SIGIRR: variants seen among roughly 807,000 people sequenced by gnomAD.
The protein encoded by SIGIRR is single Ig and TIR domain containing, also known as single Ig IL-1-related receptor.
SIGIRR carries 41 observed loss-of-function variants against 45.6 expected under a neutral mutation model. That is an observed-to-expected ratio of 0.90 (90% CI 0.70 to 1.17). SIGIRR has a LOEUF of 1.17. Ranked by LOEUF, SIGIRR falls within the 50% of genes most tolerant of loss-of-function variation. The pLI, the probability that SIGIRR is intolerant of heterozygous loss-of-function variation, is 0.00. For synonymous variants in SIGIRR, 298 were observed against 239.0 expected, an observed-to-expected ratio of 1.25 and a Z score of -2.28; for missense variants, 599 against 539.6, an observed-to-expected ratio of 1.11 and a Z score of -1.09.
Position 407,762 on chromosome 11 carries a change from C to T in SIGIRR, c.481+55G>A, listed in dbSNP as rs566469099. 22 of 1,607,902 alleles carry T rather than the reference C, an allele frequency of 1.4e-5. No homozygotes were observed. In the East Asian group the frequency reaches 4.5e-4, roughly 33 times the overall value. On this transcript the variant is annotated intron_variant, in intron 5 of 9. Coordinates refer to ENST00000431843, the MANE Select transcript of SIGIRR (RefSeq NM_001135054.2). Reference sequence around the variant, plus strand: ...GCCTCCAAAGCCGAGCTCAGCAGCGCACTCTCAGGGAGGCCGTGGCGACCC... The same window carrying T: ...GCCTCCAAAGCCGAGCTCAGCAGCGTACTCTCAGGGAGGCCGTGGCGACCC...
In SIGIRR at chr11:414,844, G is replaced by A. The variant is rs1288593976; in HGVS notation, c.-175C>T. 1.1e-5 allele frequency: 11 copies of A among 985,386 alleles called. No individual in the cohort carries two copies. In the Admixed American group the frequency reaches 2.5e-4, roughly 22 times the overall value. The allele number at this position is 985,386 out of a possible 1,614,324, so 61.0% of individuals were successfully genotyped here. On this transcript the variant is annotated 5_prime_UTR_variant, in exon 1 of 10. Coordinates refer to ENST00000431843, the MANE Select transcript of SIGIRR (RefSeq NM_001135054.2). ...TCACCTGGTTCCAGTTCTTTCCTCC[G>A]GGGGGCAAATGTTGGTCATTGGTGC...
chr11:407,122 C>T lies in SIGIRR; in HGVS notation c.668G>A (p.Arg223His), dbSNP rs749920729. 32 of 1,559,358 alleles carry T rather than the reference C, an allele frequency of 2.1e-5. No individual in the cohort carries two copies. Among genetic ancestry groups the T allele is most frequent in the Non-Finnish European group, 2.5e-5 (29 of 1,159,676 alleles). ...GGCGTCCGAAAGCACCACGATGAGG[C>T]GTCGGCAGCGGCTCAGGTTCACCAA... is the stretch of plus-strand genomic sequence containing the variant. ...DLLVNLSRCR[R>H]LIVVLSDAFL... Residue 223 changes from arginine (R) to histidine (H), a missense_variant, in exon 7 of 10, where the codon CGC (arginine) becomes CAC (histidine). Physicochemically the swap from Arg to His is conservative, Grantham distance 29. Coordinates refer to ENST00000431843, the MANE Select transcript of SIGIRR (RefSeq NM_001135054.2).
intron 6 of SIGIRR, 102 bp downstream of exon 6, chr11:407,323 C>T (rs1020668665): frequency 3.7e-6 from 3 of 820,858 alleles, no homozygotes; most frequent in East Asian, 3.5e-5. Flanking sequence ...GGGATGGGGG[C>T]GGAGCTCGAT....
At chr11:412,691 G>GA (rs1847716761) in intron 1 of SIGIRR, among the ~76,000 whole-genome samples, 1 of 126,906 alleles carries the variant, frequency 7.9e-6, no homozygotes, top group African/African-American at 2.8e-5. Context: ...TCGGGGGGGG[G>GA]GGGTGCCCAG....
chr11:406,238 G>A (rs895555475), intron 9 of SIGIRR, 111 bp downstream of exon 9: 3 of 1,543,018 alleles, frequency 1.9e-6, no homozygotes, highest in African/African-American at 2.7e-5. Context: ...TCCCGGTGCC[G>A]GGAAGAGTCC....
intron 6 of SIGIRR, 48 bp downstream of exon 6, chr11:407,377 G>T: frequency 2.7e-6 from 4 of 1,467,536 alleles, no homozygotes; most frequent in Non-Finnish European, 3.6e-6. Context: ...GGGGCGGGGC[G>T]GGGCGGGCCC....
chr11:408,881 C>G lies in SIGIRR; in HGVS notation c.20G>C (p.Arg7Thr), dbSNP rs1304114639. The G allele has an allele frequency of 6.2e-7, 1 of 1,612,494 alleles. No homozygotes were observed. The highest frequency in any genetic ancestry group is 1.3e-5 in the African/African-American group (1 of 74,934). Reference protein sequence around the residue: MPGVCDRAPDFLSPSED... With the variant: MPGVCDTAPDFLSPSED... Reference sequence around the variant, plus strand: ...AGACGGGGAGAGGAAGTCAGGGGCCCTATCACAGACACCTGAAGAGAGAGG... The same window carrying G: ...AGACGGGGAGAGGAAGTCAGGGGCCGTATCACAGACACCTGAAGAGAGAGG... Residue 7 changes from arginine to threonine, a missense_variant, in exon 3 of 10, where the codon AGG becomes ACG. Physicochemically the swap from Arg to Thr is moderately conservative, Grantham distance 71 (BLOSUM62 -1). Coordinates refer to ENST00000431843, the MANE Select transcript of SIGIRR (RefSeq NM_001135054.2).
chr11:409,399 G>A (rs561219583), intron 2 of SIGIRR: 33 of 258,672 alleles, frequency 1.3e-4, no homozygotes, highest in African/African-American at 6.4e-4. Flanking sequence ...TGGGAGCCTG[G>A]AGCAGTTGGC....
intron 3 of SIGIRR, 69 bp downstream of exon 3, chr11:408,626 G>T: frequency 6.3e-7 from 1 of 1,575,164 alleles, no homozygotes; most frequent in South Asian, 1.1e-5. Flanking sequence ...CCCAGGCATA[G>T]GTCAGGGAGA....
At chr11:416,288 G>A (rs1016300912), upstream of SIGIRR, among the ~76,000 whole-genome samples, 9 of 152,020 alleles carry the variant, frequency 5.9e-5, no homozygotes, top group Non-Finnish European at 2.9e-5. This position sits in a 1 kb window ranked among gnomAD's most constrained non-coding sequence, Gnocchi z 9.1. Flanking sequence ...GCTGCTCTGT[G>A]CACCCGGTCT....
chr11:407,070 G>A lies in SIGIRR; in HGVS notation c.720C>T (p.His240=). ...DAFLSRAWCS[H]SFREGLCRLL... ...CCCCGCGCGGGACCCACCGGAAGCT[G>A]TGGCTGCACCAGGCCCGGCTCAGGA... Residue 240 remains histidine (H), a synonymous_variant, in exon 7 of 10, where the codon CAC becomes CAT. Coordinates refer to ENST00000431843, the MANE Select transcript of SIGIRR (RefSeq NM_001135054.2). 1 of 1,579,552 alleles carries A rather than the reference G, an allele frequency of 6.3e-7. No individual in the cohort carries two copies. Among genetic ancestry groups the A allele is most frequent in the African/African-American group, 1.4e-5 (1 of 72,880 alleles).
rs779938901 is a variant in SIGIRR, at chr11:408,913, TG to T, written c.8-21del. ...AGACACCTGAAGAGAGAGGACACAG[TG>T]GGTCAGCTGTGCCAGGGTGCCTGGC... On this transcript the variant is annotated intron_variant, in intron 2 of 9. Coordinates refer to ENST00000431843, the MANE Select transcript of SIGIRR (RefSeq NM_001135054.2). 1.2e-6 allele frequency: 2 copies of T among 1,610,878 alleles called. No homozygotes were observed. The highest frequency in any genetic ancestry group is 1.3e-5 in the African/African-American group (1 of 74,884).
chr11:409,818 CA>C, intron 2 of SIGIRR, 49 bp downstream of exon 2: 1 of 1,365,724 alleles, frequency 7.3e-7, no homozygotes, highest in South Asian at 1.9e-5. Context: ...GCCTGAGGGG[CA>C]GGAGGTGGGA....
At chr11:410,105 G>T in intron 1 of SIGIRR, 78 bp from the exon 2 acceptor site, 1 of 1,197,902 alleles carries the variant, frequency 8.3e-7, no homozygotes, top group Non-Finnish European at 1.0e-6. Context: ...GACAGCACTG[G>T]CCCTGACCAG....
chr11:408,861 G>A lies in SIGIRR; in HGVS notation c.40C>T (p.Pro14Ser). 1 of 1,612,752 alleles carries A rather than the reference G, an allele frequency of 6.2e-7. No homozygotes were observed. Among genetic ancestry groups the A allele is most frequent in the South Asian group, 1.1e-5 (1 of 91,086 alleles). The stretch of plus-strand genomic sequence containing the variant: ...GGCCTCAGCACCTGGTCTTCAGACG[G>A]GGAGAGGAAGTCAGGGGCCCTATCA... ...VCDRAPDFLSPSEDQVLRPAL... is the reference protein window; with the variant it reads ...VCDRAPDFLSSSEDQVLRPAL... Residue 14 changes from proline (P) to serine (S), a missense_variant, in exon 3 of 10, where the codon CCG (proline) becomes TCG (serine). Transcript: ENST00000431843.
chr11:407,852 C>G lies in SIGIRR; in HGVS notation c.446G>C (p.Trp149Ser). The G allele has an allele frequency of 6.2e-7, 1 of 1,612,624 alleles. No individual in the cohort carries two copies. The highest frequency in any genetic ancestry group is 8.5e-7 in the Non-Finnish European group (1 of 1,179,860). The part of the protein sequence containing the change: ...YVKCRLNVLL[W>S]YQDAYGEVEI... ...CACCTCCCCATACGCGTCCTGGTACCAGAGCAGCACGTTGAGACGGCACTT... is the reference window on the plus strand; with the variant it reads ...CACCTCCCCATACGCGTCCTGGTACGAGAGCAGCACGTTGAGACGGCACTT... The change falls in exon 5 of 10, where the codon TGG becomes TCG. Residue 149 changes from tryptophan (W) to serine (S), a missense_variant. Physicochemically the swap from Trp to Ser is radical, Grantham distance 177. Coordinates refer to ENST00000431843, the MANE Select transcript of SIGIRR (RefSeq NM_001135054.2).
chr11:406,957 T>C lies in SIGIRR; in HGVS notation c.765A>G (p.Arg255=). ...GLCRLLELTR[R]PIFITFEGQR... is the part of the protein sequence containing the mutation. ...GGCCCTCGAAGGTGATGAAGATGGGTCTGCGGGTGAGCTCCAGCAGCCGGC... is the reference window on the plus strand; with the variant it reads ...GGCCCTCGAAGGTGATGAAGATGGGCCTGCGGGTGAGCTCCAGCAGCCGGC... Residue 255 remains arginine (R), a synonymous_variant, in exon 8 of 10, where the codon AGA becomes AGG. Coordinates refer to ENST00000431843, the MANE Select transcript of SIGIRR (RefSeq NM_001135054.2). 6.2e-7 allele frequency: 1 copy of C among 1,601,794 alleles called. No homozygotes were observed. The highest frequency in any genetic ancestry group is 8.5e-7 in the Non-Finnish European group (1 of 1,177,700).
rs200531276 is a variant in SIGIRR at position 406,068 on chromosome 11, G to T, written c.1070-9C>A. On this transcript the variant is annotated splice_polypyrimidine_tract_variant and intron_variant, in intron 9 of 9. Transcript: ENST00000431843. ...GACAGGCCCCCGGACACCTGGGGTGGGGAGACCGAGACGCCTGAGGTGGCC... is the reference window on the plus strand; with the variant it reads ...GACAGGCCCCCGGACACCTGGGGTGTGGAGACCGAGACGCCTGAGGTGGCC... 4.9e-4 allele frequency: 763 copies of T among 1,563,478 alleles called. 5 individuals carry two copies. The Middle Eastern group carries it at 0.015, about 30-fold the overall frequency.
intron 8 of SIGIRR, 65 bp from the exon 9 acceptor site, chr11:406,603 C>G: frequency 6.6e-7 from 1 of 1,525,286 alleles, no homozygotes; most frequent in Non-Finnish European, 8.8e-7. Flanking sequence ...GTCCTGGCCC[C>G]CAAGAGCACA....
Sources: gnomAD v4.1 joint callset for allele counts (sites outside exome capture counted in the v4.1 genomes callset) on GRCh38, gnomAD v4.1.1 for gene constraint, Gnocchi (gnomAD v3.1) non-coding constraint, MANE v1.5 for transcripts, NCBI Gene and HGNC (gene_info 2026-07-23, HGNC 2026-07-21) for gene names.